The following ANKRD55 variants were observed in gnomAD, a reference collection of about 807,000 sequenced individuals.
The protein encoded by ANKRD55 is ankyrin repeat domain 55, also known as ankyrin repeat domain-containing protein 55.
In ANKRD55, 41 loss-of-function variants were observed where a neutral mutation model predicts 60.6. That is an observed-to-expected ratio of 0.68 (90% CI 0.53 to 0.88). ANKRD55 has a LOEUF of 0.88. Ranked by LOEUF, ANKRD55 falls within the 40% of genes least tolerant of loss-of-function variation. The probability of loss-of-function intolerance (pLI) is 0.00; values close to 1 mark genes in which losing one functional copy is unlikely to be tolerated. For missense variants in ANKRD55, 732 were observed against 767.6 expected, an observed-to-expected ratio of 0.95 and a Z score of 0.55; for synonymous variants, 264 against 290.3, an observed-to-expected ratio of 0.91 and a Z score of 0.92.
chr5:56,191,379 C>A (rs1368996932), intron 2 of ANKRD55, among the ~76,000 whole-genome samples: 1 of 152,102 alleles, frequency 6.6e-6, no homozygotes, highest in Non-Finnish European at 1.5e-5. Context: ...TCTTTAATTT[C>A]TTTCAGCAAT....
chr5:56,106,420 C>CTTTTGTTTTTTTTTTTTTTTTTTTTT (rs1756473520), intron 10 of ANKRD55, among the ~76,000 whole-genome samples: 1 of 96,940 alleles, frequency 1.0e-5, no homozygotes, highest in Admixed American at 1.1e-4. Flanking sequence ...GCTAGGAAAG[C>CTTTTGTTTTTTTTTTTTTTTTTTTTT]TTTTTTTTTT....
intron 4 of ANKRD55, among the ~76,000 whole-genome samples, chr5:56,171,184 C>G (rs1758605369): frequency 6.6e-6 from 1 of 152,194 alleles, no homozygotes; most frequent in Admixed American, 6.5e-5. Flanking sequence ...CTTGCTTATT[C>G]AGGTCAGTCC....
chr5:56,166,777 T>TA (rs79845091), intron 5 of ANKRD55, among the ~76,000 whole-genome samples: 10,470 of 152,030 alleles, frequency 0.069, 503 homozygotes, highest in African/African-American at 0.13. Context: ...ATAGTAAAAT[T>TA]AAAAAAAATG....
At chr5:56,172,491 G>T (rs1758632126) in intron 4 of ANKRD55, among the ~76,000 whole-genome samples, 1 of 152,198 alleles carries the variant, frequency 6.6e-6, no homozygotes, top group South Asian at 2.1e-4. Flanking sequence ...TCGAAAAGCA[G>T]ATCTTTTGGT....
At chr5:56,111,089 G>A (rs937652636) in intron 10 of ANKRD55, 29 bp downstream of exon 10, 1 of 1,596,824 alleles carries the variant, frequency 6.3e-7, no homozygotes, top group Non-Finnish European at 8.5e-7. Flanking sequence ...AGAGCCTGCT[G>A]AGAATGAACA....
At position 56,220,777 on chromosome 5, in the gene ANKRD55, C is replaced by T. The variant is rs144468269; in HGVS notation, c.58+12079G>A. Reference sequence around the variant, plus strand: ...GCAGTGAGCCAAGACCATGCCATTGCACTCCAGCCTGGGTGACAGAGTGAG... The same window carrying T: ...GCAGTGAGCCAAGACCATGCCATTGTACTCCAGCCTGGGTGACAGAGTGAG... On this transcript the variant is annotated intron_variant, in intron 2 of 11. Transcript: ENST00000341048. Among the ~76,000 whole-genome samples, 3 of 152,306 alleles carry T rather than the reference C, an allele frequency of 2.0e-5. No homozygotes were observed. In the East Asian group the frequency reaches 5.8e-4, roughly 29 times the overall value.
chr5:56,185,623 G>A (rs1395200760), intron 2 of ANKRD55, among the ~76,000 whole-genome samples: 3 of 151,546 alleles, frequency 2.0e-5, no homozygotes, highest in African/African-American at 7.3e-5. Context: ...AGCCCAGATG[G>A]CGCCATTGCA....
chr5:56,212,061 C>G (rs1759687159), intron 2 of ANKRD55, among the ~76,000 whole-genome samples: 4 of 130,886 alleles, frequency 3.1e-5, no homozygotes, highest in Admixed American at 2.1e-4. Flanking sequence ...CACACACACA[C>G]ACACACACAC....
intron 7 of ANKRD55, among the ~76,000 whole-genome samples, chr5:56,130,970 C>A (rs1200580976): frequency 6.6e-6 from 1 of 151,786 alleles, no homozygotes; most frequent in Non-Finnish European, 1.5e-5. Context: ...AAAAACAGAA[C>A]AGAATATTCA....
chr5:56,139,792 G>T (rs1195694199), intron 7 of ANKRD55, among the ~76,000 whole-genome samples: 1 of 152,152 alleles, frequency 6.6e-6, no homozygotes, highest in Non-Finnish European at 1.5e-5. Context: ...AGATTGGAAG[G>T]CCAAGTGTGG....
At chr5:56,149,872 C>T (rs1224552226) in intron 6 of ANKRD55, among the ~76,000 whole-genome samples, 3 of 148,082 alleles carry the variant, frequency 2.0e-5, no homozygotes, top group African/African-American at 2.5e-5. Flanking sequence ...GACGGAGTCT[C>T]ATTCTGTCAC....
intron 6 of ANKRD55, among the ~76,000 whole-genome samples, chr5:56,148,657 T>TC (rs927730518): frequency 3.3e-5 from 5 of 151,870 alleles, no homozygotes; most frequent in African/African-American, 1.2e-4. Context: ...TCAGAACATT[T>TC]TTTTTTTTTC....
chr5:56,128,522 T>G (rs886510410), intron 7 of ANKRD55, among the ~76,000 whole-genome samples: 1 of 152,222 alleles, frequency 6.6e-6, no homozygotes, highest in East Asian at 1.9e-4. Flanking sequence ...ACTCTTTTCC[T>G]TTTGTCCTAA....
At position 56,176,148 on chromosome 5, in the gene ANKRD55, G is replaced by A. The variant is rs1298960470; in HGVS notation, c.312+4C>T. 1 of 1,614,176 alleles carries A rather than the reference G, an allele frequency of 6.2e-7. No homozygotes were observed. The highest frequency in any genetic ancestry group is 1.1e-5 in the South Asian group (1 of 91,088). ...TCCACCCTGTGACAGGCACAAGTCA[G>A]TACCAGGTAGGTGGCCAGGCATAAA... On this transcript the variant is annotated splice_donor_region_variant and intron_variant, in intron 4 of 11. Coordinates refer to ENST00000341048, the MANE Select transcript of ANKRD55 (RefSeq NM_024669.3).
chr5:56,228,970 C>T (rs1253347248), intron 2 of ANKRD55, among the ~76,000 whole-genome samples: 5 of 152,172 alleles, frequency 3.3e-5, no homozygotes, highest in Non-Finnish European at 7.3e-5. Context: ...ACCGCTCAGC[C>T]TCGTCAGGCA....
At chr5:56,215,844 G>C (rs918239472) in intron 2 of ANKRD55, among the ~76,000 whole-genome samples, 4 of 152,120 alleles carry the variant, frequency 2.6e-5, no homozygotes. Flanking sequence ...ATAACCCAGA[G>C]TGATAGCTCT....
chr5:56,143,777 C>G (rs1757828433), intron 7 of ANKRD55, 24 bp downstream of exon 7: 3 of 1,613,876 alleles, frequency 1.9e-6, no homozygotes, highest in South Asian at 1.1e-5. Flanking sequence ...AAACCTGAGA[C>G]CAGTCCACAG....
intron 5 of ANKRD55, chr5:56,160,803 T>C (rs1758308963): frequency 6.6e-6 from 1 of 152,248 alleles, no homozygotes; most frequent in South Asian, 2.1e-4. Context: ...TTGGATCTCC[T>C]GCTCAGTTGA....
intron 3 of ANKRD55, among the ~76,000 whole-genome samples, chr5:56,177,510 C>T (rs1758761324): frequency 6.6e-6 from 1 of 152,224 alleles, no homozygotes; most frequent in African/African-American, 2.4e-5. Flanking sequence ...GGTGTGGTGG[C>T]TCCTGCCTGT....
Sources: gnomAD v4.1 joint callset for allele counts (sites outside exome capture counted in the v4.1 genomes callset) on GRCh38, gnomAD v4.1.1 for gene constraint, MANE v1.5 for transcripts, NCBI Gene and HGNC (gene_info 2026-07-23, HGNC 2026-07-21) for gene names.